Variants in ZZZ3 observed in about 807,000 individuals in gnomAD.
The protein encoded by ZZZ3 is ZZ-type zinc finger-containing protein 3.
ZZZ3 carries 22 observed loss-of-function variants against 95.2 expected under a neutral mutation model. The observed-to-expected ratio is 0.23, with a 90% CI of 0.17 to 0.33. ZZZ3 has a LOEUF of 0.33. Among genes scored for constraint, ZZZ3 ranks in the 10% least tolerant of loss-of-function variants. ZZZ3 has a pLI of 1.00. For missense variants in ZZZ3, 885 were observed against 1,066.5 expected (o/e 0.83, Z 2.37); for synonymous variants, 335 against 358.9 (o/e 0.93, Z 0.75).
chr1:77,574,526 C>T (rs965972311), intron 12 of ZZZ3, among the ~76,000 whole-genome samples: 11 of 152,032 alleles, frequency 7.2e-5, no homozygotes, highest in African/African-American at 2.2e-4. Flanking sequence ...CAATGATGAA[C>T]CCAGCAGCAA....
intron 1 of ZZZ3, among the ~76,000 whole-genome samples, chr1:77,669,265 TTC>T (rs1671526824): frequency 6.6e-6 from 1 of 152,162 alleles, no homozygotes; most frequent in Non-Finnish European, 1.5e-5. Flanking sequence ...TTCTCTTATC[TTC>T]TCTTTCTCTT....
chr1:77,616,905 A>C (rs996568755), intron 5 of ZZZ3, among the ~76,000 whole-genome samples: 3 of 152,082 alleles, frequency 2.0e-5, no homozygotes, highest in Non-Finnish European at 4.4e-5. Context: ...TAAAAATAAA[A>C]ATTGTCAGGC....
chr1:77,596,061 G>A (rs1161711386), intron 5 of ZZZ3, among the ~76,000 whole-genome samples: 1 of 151,932 alleles, frequency 6.6e-6, no homozygotes, highest in African/African-American at 2.4e-5. Flanking sequence ...ACAAACAATG[G>A]TATGTGCTAC....
At chr1:77,589,750 G>A (rs911944377) in intron 5 of ZZZ3, among the ~76,000 whole-genome samples, 1 of 152,022 alleles carries the variant, frequency 6.6e-6, no homozygotes, top group African/African-American at 2.4e-5. Flanking sequence ...ATGAACCACT[G>A]TGCTCGGCCT....
intron 5 of ZZZ3, among the ~76,000 whole-genome samples, chr1:77,623,628 C>T (rs906484396): frequency 3.3e-5 from 5 of 152,116 alleles, no homozygotes; most frequent in African/African-American, 1.2e-4. Flanking sequence ...AAATTAACTG[C>T]CTGTCAGAAC....
At chr1:77,667,335 T>C (rs982847553) in intron 1 of ZZZ3, among the ~76,000 whole-genome samples, 9 of 152,242 alleles carry the variant, frequency 5.9e-5, no homozygotes, top group African/African-American at 2.2e-4. Context: ...CTTTTTATCA[T>C]GTAACATACC....
chr1:77,581,647 T>A, intron 8 of ZZZ3, 129 bp downstream of exon 8: 1 of 711,778 alleles, frequency 1.4e-6, no homozygotes, highest in East Asian at 2.9e-5. Context: ...TTCTCTTAAT[T>A]TCAAAGTTCT....
intron 1 of ZZZ3, among the ~76,000 whole-genome samples, chr1:77,671,829 C>T (rs1038690704): frequency 1.3e-5 from 2 of 152,096 alleles, no homozygotes; most frequent in African/African-American, 2.4e-5. Context: ...GTTCCCTCCC[C>T]ACATCCACAA....
At chr1:77,567,098 T>A (rs147346047) in intron 13 of ZZZ3, among the ~76,000 whole-genome samples, 79 of 152,358 alleles carry the variant, frequency 5.2e-4, no homozygotes, top group Non-Finnish European at 6.9e-4. Flanking sequence ...GGTATAACTT[T>A]GTTTTTAATT....
rs765143671 is a variant in ZZZ3 at position 77,633,057 on chromosome 1, C to A, written c.298G>T (p.Ala100Ser). The change falls in exon 5 of 15, where the codon GCT (alanine) becomes TCT (serine). Residue 100 changes from alanine to serine, a missense_variant. By Grantham distance (99) the Ala-to-Ser change is moderately conservative. Around this residue, in one of 5 missense-constraint regions of ZZZ3, gnomAD observed 556 missense variants for 652.9 expected, o/e 0.85. Transcript: ENST00000370801. ...TGCCTTCTCTCACAATTTTCTATAGCCTGCCTTTCTATGTTATCCTTTTCT... is the reference window on the plus strand; with the variant it reads ...TGCCTTCTCTCACAATTTTCTATAGACTGCCTTTCTATGTTATCCTTTTCT... Reference protein sequence around the residue: ...SSEKDNIERQAIENCERRQTE... With the variant: ...SSEKDNIERQSIENCERRQTE... The A allele has an allele frequency of 1.2e-6, 2 of 1,613,914 alleles. No homozygotes were observed. Among genetic ancestry groups the A allele is most frequent in the East Asian group, 2.2e-5 (1 of 44,878 alleles).
At chr1:77,616,673 G>T (rs1666346660) in intron 5 of ZZZ3, among the ~76,000 whole-genome samples, 1 of 152,094 alleles carries the variant, frequency 6.6e-6, no homozygotes, top group African/African-American at 2.4e-5. Context: ...GACCAGTCTG[G>T]CCAATATGGT....
At chr1:77,640,098 A>C (rs1009625197) in intron 3 of ZZZ3, among the ~76,000 whole-genome samples, 1 of 152,192 alleles carries the variant, frequency 6.6e-6, no homozygotes, top group African/African-American at 2.4e-5. Context: ...GAAAACCTTG[A>C]TGCTTATTCA....
Position 77,632,897 on chromosome 1 carries a change from T to C in ZZZ3, c.458A>G (p.Asn153Ser), listed in dbSNP as rs1223130857. The C allele has an allele frequency of 2.5e-6, 4 of 1,614,188 alleles. No homozygotes were observed. Among genetic ancestry groups the C allele is most frequent in the South Asian group, 1.1e-5 (1 of 91,086 alleles). Residue 153 changes from asparagine to serine, a missense_variant, in exon 5 of 15, where the codon AAT becomes AGT. Physicochemically the swap from Asn to Ser is conservative, Grantham distance 46. This residue lies in a region of ZZZ3 where 556 missense variants were observed against 652.9 expected (regional missense o/e 0.85). Transcript: ENST00000370801. Reference protein sequence around the residue: ...SVEQRSTVVDNDADFQGTKRA... With the variant: ...SVEQRSTVVDSDADFQGTKRA... ...TTTAGTCCCTTGAAAATCTGCATCATTGTCCACTACTGTACTCCTCTGTTC... is the reference window on the plus strand; with the variant it reads ...TTTAGTCCCTTGAAAATCTGCATCACTGTCCACTACTGTACTCCTCTGTTC...
chr1:77,611,467 A>C (rs976275975), intron 5 of ZZZ3, among the ~76,000 whole-genome samples: 1 of 152,034 alleles, frequency 6.6e-6, no homozygotes, highest in African/African-American at 2.4e-5. Context: ...TTTTTCATAG[A>C]TATAGAAAAA....
intron 5 of ZZZ3, among the ~76,000 whole-genome samples, chr1:77,616,214 A>T (rs2100758789): frequency 1.3e-5 from 2 of 152,242 alleles, no homozygotes; most frequent in Middle Eastern, 3.4e-3. Context: ...TTGGCTTCAT[A>T]GTTTCTGAGT....
chr1:77,597,361 A>G (rs1570461757), intron 5 of ZZZ3, among the ~76,000 whole-genome samples: 1 of 152,306 alleles, frequency 6.6e-6, no homozygotes, highest in East Asian at 1.9e-4. Flanking sequence ...AGAATTCCAA[A>G]TAACTTATGC....
At chr1:77,653,640 C>A (rs1210583842) in intron 1 of ZZZ3, among the ~76,000 whole-genome samples, 1 of 152,042 alleles carries the variant, frequency 6.6e-6, no homozygotes, top group Non-Finnish European at 1.5e-5. Flanking sequence ...GTAATCCCAG[C>A]TACTCGGGAG....
chr1:77,572,639 TTTTG>T (rs1183375481), intron 12 of ZZZ3, among the ~76,000 whole-genome samples: 3 of 151,266 alleles, frequency 2.0e-5, no homozygotes, highest in Non-Finnish European at 4.4e-5. Context: ...CGCCCGGCCT[TTTTG>T]TTTGTTTTTT....
Position 77,578,817 on chromosome 1 carries a change from G to A in ZZZ3, c.2135C>T (p.Pro712Leu). 2 of 1,576,328 alleles carry A rather than the reference G, an allele frequency of 1.3e-6. No individual in the cohort carries two copies. Among genetic ancestry groups the A allele is most frequent in the South Asian group, 1.2e-5 (1 of 84,562 alleles). Residue 712 changes from proline to leucine, a missense_variant, in exon 11 of 15, where the codon CCA becomes CTA. Physicochemically the swap from Pro to Leu is moderately conservative, Grantham distance 98. Coordinates refer to ENST00000370801, the MANE Select transcript of ZZZ3 (RefSeq NM_015534.6). Reference sequence around the variant, plus strand: ...TAAGTTTGGTGTTCTGCCTGGTACTGGAATGCCAGCTTTAGTTAGCTTTAT... The same window carrying A: ...TAAGTTTGGTGTTCTGCCTGGTACTAGAATGCCAGCTTTAGTTAGCTTTAT... ...YFIKLTKAGI[P>L]VPGRTPNLYI...
Sources: gnomAD v4.1 joint callset for allele counts (sites outside exome capture counted in the v4.1 genomes callset) on GRCh38, gnomAD v4.1.1 for gene constraint, gnomAD v4.1.1 regional missense constraint, MANE v1.5 for transcripts, NCBI Gene and HGNC (gene_info 2026-07-23, HGNC 2026-07-21) for gene names.